The following CACNA1C variants were observed in gnomAD, a reference collection of about 807,000 sequenced individuals.
The protein encoded by CACNA1C is calcium voltage-gated channel subunit alpha1 C.
CACNA1C carries 30 observed loss-of-function variants against 229.0 expected under a neutral mutation model. That is an observed-to-expected ratio of 0.13 (90% CI 0.10 to 0.18). CACNA1C has a LOEUF of 0.18. Among genes scored for constraint, CACNA1C ranks in the 10% least tolerant of loss-of-function variants. The pLI is 1.00. For missense variants in CACNA1C, 1,658 were observed against 2,845.0 expected, an observed-to-expected ratio of 0.58 and a Z score of 9.49; for synonymous variants, 1,114 against 1,132.5, an observed-to-expected ratio of 0.98 and a Z score of 0.33.
At chr12:2,616,688 G>A (rs1315073279) in intron 29 of CACNA1C, among the ~76,000 whole-genome samples, 1 of 152,248 alleles carries the variant, frequency 6.6e-6, no homozygotes, top group Non-Finnish European at 1.5e-5. Flanking sequence ...TTCCCCATCA[G>A]CATTTTATTG....
rs1174435753 is a variant in CACNA1C at position 2,654,126 on chromosome 12, G to T, written c.4140+226G>T. ...AGAATGTCCCGGTACAGAATACACA[G>T]CCCAGAGAGCCTCCCTCCCCGAGGC... is the stretch of plus-strand genomic sequence containing the variant. On this transcript the variant is annotated intron_variant, in intron 33 of 46. Coordinates refer to ENST00000399655, the MANE Select transcript of CACNA1C (RefSeq NM_000719.7). This position sits in a 1 kb window ranked among gnomAD's most constrained non-coding sequence, Gnocchi z 4.4. Among the ~76,000 whole-genome samples the T allele has an allele frequency of 6.6e-6, 1 of 152,128 alleles. No homozygotes were observed. The highest frequency in any genetic ancestry group is 2.4e-5 in the African/African-American group (1 of 41,426).
At chr12:2,637,641 C>T (rs1034291582) in intron 30 of CACNA1C, among the ~76,000 whole-genome samples, 2 of 152,264 alleles carry the variant, frequency 1.3e-5, no homozygotes, top group African/African-American at 2.4e-5. Context: ...CTAGATTCTG[C>T]CTCCAGGGCA....
Position 2,567,633 on chromosome 12 carries a change from G to C in CACNA1C, c.1734G>C (p.Leu578=), listed in dbSNP as rs150692845. 1 of 1,611,946 alleles carries C rather than the reference G, an allele frequency of 6.2e-7. No individual in the cohort carries two copies. Among genetic ancestry groups the C allele is most frequent in the African/African-American group, 1.3e-5 (1 of 74,912 alleles). The stretch of plus-strand genomic sequence containing the variant: ...AGATGCTCCTGAAGATGTACAGCCT[G>C]GGCCTGCAGGCCTACTTCGTGTCCC... ...TAEMLLKMYS[L]GLQAYFVSLF... Residue 578 remains leucine (L), a synonymous_variant, in exon 13 of 47, where the codon CTG becomes CTC. Coordinates refer to ENST00000399655, the MANE Select transcript of CACNA1C (RefSeq NM_000719.7).
intron 3 of CACNA1C, among the ~76,000 whole-genome samples, chr12:2,135,580 T>G (rs1202981699): frequency 7.4e-6 from 1 of 134,884 alleles, no homozygotes; most frequent in South Asian, 2.3e-4. Flanking sequence ...GAGGTGTCAG[T>G]CTGCCCCTGC....
At chr12:2,492,970 C>A (rs1380191297) in intron 6 of CACNA1C, among the ~76,000 whole-genome samples, 1 of 152,158 alleles carries the variant, frequency 6.6e-6, no homozygotes, top group Non-Finnish European at 1.5e-5. Context: ...AAAGGACTGA[C>A]CTTCTAAATT....
At chr12:2,443,432 G>A (rs1183428248) in intron 3 of CACNA1C, among the ~76,000 whole-genome samples, 2 of 152,126 alleles carry the variant, frequency 1.3e-5, no homozygotes, top group African/African-American at 4.8e-5. Flanking sequence ...TGAAAGTCTG[G>A]GTGTTTCCAT....
At position 2,608,804 on chromosome 12, in the gene CACNA1C, G is replaced by A; in HGVS notation, c.3558+92G>A. The stretch of plus-strand genomic sequence containing the variant: ...CCGCAGAGGGGCTGCGACAGGGAGA[G>A]GCCGTGCAGATACTGAGATCGTCTC... On this transcript the variant is annotated intron_variant, in intron 27 of 46. Coordinates refer to ENST00000399655, the MANE Select transcript of CACNA1C (RefSeq NM_000719.7). The surrounding 1 kb of genome is among the most constrained non-coding windows in gnomAD (Gnocchi z 4.2). 1 of 1,273,546 alleles carries A rather than the reference G, an allele frequency of 7.9e-7. No individual in the cohort carries two copies. The highest frequency in any genetic ancestry group is 1.3e-5 in the South Asian group (1 of 75,048). 78.9% of individuals were successfully genotyped at this position (1,273,546 alleles called of 1,614,324 possible). A position where few individuals can be genotyped will look rare whatever the true frequency, so the allele number is the denominator to read the frequency against.
intron 13 of CACNA1C, among the ~76,000 whole-genome samples, chr12:2,570,472 C>T (rs186761607): frequency 2.0e-4 from 30 of 151,968 alleles, no homozygotes; most frequent in Admixed American, 1.8e-3. Context: ...TATGCAGAAG[C>T]TTTTATTATT....
intron 42 of CACNA1C, chr12:2,682,057 G>A (rs752868593): frequency 1.3e-6 from 2 of 1,535,818 alleles, no homozygotes; most frequent in Non-Finnish European, 1.8e-6. Flanking sequence ...CCCTCTAGGT[G>A]AGGCTTCCTC....
At chr12:2,035,115 G>A (rs1331222246) in intron 1 of CACNA1C, among the ~76,000 whole-genome samples, 1 of 152,162 alleles carries the variant, frequency 6.6e-6, no homozygotes, top group Non-Finnish European at 1.5e-5. Context: ...CGCAAGGCCC[G>A]GGGGCGTGGC....
intron 3 of CACNA1C, among the ~76,000 whole-genome samples, chr12:2,204,296 GTTGT>G (rs1226650257): frequency 1.3e-5 from 2 of 152,046 alleles, no homozygotes; most frequent in Non-Finnish European, 1.5e-5. Flanking sequence ...TTTTGATGGG[GTTGT>G]TTGTTTTTTT....
intron 1 of CACNA1C, among the ~76,000 whole-genome samples, chr12:2,079,064 G>C (rs1306594086): frequency 2.0e-5 from 3 of 147,960 alleles, no homozygotes; most frequent in African/African-American, 7.5e-5. Flanking sequence ...TCACTTATAG[G>C]TGGGAATTGA....
chr12:2,480,276 G>T (rs911444827), intron 5 of CACNA1C, among the ~76,000 whole-genome samples: 6 of 152,082 alleles, frequency 3.9e-5, no homozygotes, highest in African/African-American at 1.4e-4. Context: ...CAGCCCTGGC[G>T]CCGGGACCCT....
At chr12:2,331,421 C>T (rs1435329244) in intron 3 of CACNA1C, among the ~76,000 whole-genome samples, 3 of 152,162 alleles carry the variant, frequency 2.0e-5, no homozygotes, top group African/African-American at 4.8e-5. Context: ...GCAAAGTCAG[C>T]ACAAGAGAGC....
intron 3 of CACNA1C, among the ~76,000 whole-genome samples, chr12:2,302,768 A>G (rs1045010831): frequency 1.3e-5 from 2 of 152,238 alleles, no homozygotes; most frequent in Non-Finnish European, 2.9e-5. Context: ...TTCAGTATAT[A>G]TAAACTATTC....
chr12:2,058,782 C>T (rs1366514700), intron 1 of CACNA1C, among the ~76,000 whole-genome samples: 1 of 152,108 alleles, frequency 6.6e-6, no homozygotes, highest in Admixed American at 6.5e-5. Context: ...GGTGTGTAGA[C>T]TTAAACTGAA....
Position 2,688,590 on chromosome 12 carries a change from G to A in CACNA1C, c.5928G>A (p.Gly1976=), listed in dbSNP as rs763979736. Residue 1976 remains glycine (G), a synonymous_variant, in exon 46 of 47, where the codon GGG becomes GGA. Coordinates refer to ENST00000399655, the MANE Select transcript of CACNA1C (RefSeq NM_000719.7). ...PQPVPTLRLE[G]VESSEKLNSS... is the part of the protein sequence containing the mutation. Reference sequence around the variant, plus strand: ...CCGTCCCCACCCTGCGGCTTGAGGGGGTCGAGTCCAGTGAGAAACTCAACA... The same window carrying A: ...CCGTCCCCACCCTGCGGCTTGAGGGAGTCGAGTCCAGTGAGAAACTCAACA... 6.2e-7 allele frequency: 1 copy of A among 1,613,862 alleles called. No homozygotes were observed. The highest frequency in any genetic ancestry group is 1.3e-5 in the African/African-American group (1 of 74,926).
At chr12:2,127,115 C>T (rs1565859503) in intron 3 of CACNA1C, among the ~76,000 whole-genome samples, 1 of 152,144 alleles carries the variant, frequency 6.6e-6, no homozygotes, top group East Asian at 1.9e-4. Flanking sequence ...TGGGGGACCC[C>T]ACTCCCCCAC....
At chr12:2,581,483 A>T in intron 13 of CACNA1C, 107 bp from the exon 14 acceptor site, 1 of 1,012,368 alleles carries the variant, frequency 9.9e-7, no homozygotes, top group Non-Finnish European at 1.4e-6. Context: ...AAAAGAGCAT[A>T]GAGTGGCAGC....
Sources: gnomAD v4.1 joint callset for allele counts (sites outside exome capture counted in the v4.1 genomes callset) on GRCh38, gnomAD v4.1.1 for gene constraint, Gnocchi (gnomAD v3.1) non-coding constraint, MANE v1.5 for transcripts, NCBI Gene and HGNC (gene_info 2026-07-23, HGNC 2026-07-21) for gene names.